The following SLC34A1 variants were observed in gnomAD, a reference collection of about 807,000 sequenced individuals.
The protein encoded by SLC34A1 is sodium-dependent phosphate transport protein 2A.
In SLC34A1, 57 loss-of-function variants were observed where a neutral mutation model predicts 51.4. That is an observed-to-expected ratio of 1.11 (90% CI 0.90 to 1.38). SLC34A1 has a LOEUF of 1.38. SLC34A1 is among the 40% of genes most tolerant of loss of function. The pLI is 0.00. For missense variants in SLC34A1, 796 were observed against 835.6 expected (o/e 0.95, Z 0.58); for synonymous variants, 368 against 358.0 (o/e 1.03, Z -0.32).
Position 177,388,475 on chromosome 5 carries a change from C to A in SLC34A1, c.936+103C>A. The A allele has an allele frequency of 1.0e-6, 1 of 980,154 alleles. No individual in the cohort carries two copies. Among genetic ancestry groups the A allele is most frequent in the Non-Finnish European group, 1.6e-6 (1 of 625,770 alleles). The allele number at this position is 980,154 out of a possible 1,614,324, so 60.7% of individuals were successfully genotyped here. ...AGATAGACCTTGAAGATCATTTAGCCAGGAGAGGGCAAATATGTGGCCCTT... is the reference window on the plus strand; with the variant it reads ...AGATAGACCTTGAAGATCATTTAGCAAGGAGAGGGCAAATATGTGGCCCTT... On this transcript the variant is annotated intron_variant, in intron 8 of 12. Transcript: ENST00000324417. The surrounding 1 kb of genome is among the most constrained non-coding windows in gnomAD (Gnocchi z 4.3).
intron 9 of SLC34A1, 84 bp downstream of exon 9, chr5:177,393,847 G>A (rs1381427215): frequency 6.6e-7 from 1 of 1,517,076 alleles, no homozygotes; most frequent in Admixed American, 1.7e-5. Flanking sequence ...AGCCACTATT[G>A]TGTCCAGCCC....
intron 6 of SLC34A1, 52 bp from the exon 7 acceptor site, chr5:177,387,942 C>A (rs1036598814): frequency 1.1e-5 from 18 of 1,609,944 alleles, no homozygotes; most frequent in Non-Finnish European, 1.5e-5. Context: ...GAACCCCAGG[C>A]GTGACTGTGC....
At chr5:177,384,822 A>G (rs185357135) in intron 1 of SLC34A1, among the ~76,000 whole-genome samples, 1 of 151,008 alleles carries the variant, frequency 6.6e-6, no homozygotes, top group East Asian at 1.9e-4. Context: ...AGATTGTGCC[A>G]CTGCACTCCA....
chr5:177,392,679 AG>A (rs1274952214), intron 8 of SLC34A1, among the ~76,000 whole-genome samples: 1 of 152,128 alleles, frequency 6.6e-6, no homozygotes, highest in African/African-American at 2.4e-5. Flanking sequence ...GCTGGAGTGC[AG>A]GGGCATGATC....
At chr5:177,390,252 A>AGCG (rs1762756001) in intron 8 of SLC34A1, 2 of 991,130 alleles carry the variant, frequency 2.0e-6, no homozygotes, top group Non-Finnish European at 2.4e-6. Flanking sequence ...AAGCAGCAGC[A>AGCG]GCGGCAGTTG....
intron 10 of SLC34A1, among the ~76,000 whole-genome samples, chr5:177,394,637 A>G (rs1762902662): frequency 6.6e-6 from 1 of 151,300 alleles, no homozygotes; most frequent in Non-Finnish European, 1.5e-5. Flanking sequence ...CAGCAGGATC[A>G]CTTGAGCCCA....
chr5:177,388,007 G>T lies in SLC34A1; in HGVS notation c.658G>T (p.Ala220Ser). 1 of 1,613,036 alleles carries T rather than the reference G, an allele frequency of 6.2e-7. No homozygotes were observed. Among genetic ancestry groups the T allele is most frequent in the Non-Finnish European group, 8.5e-7 (1 of 1,179,318 alleles). The change falls in exon 7 of 13, where the codon GCC becomes TCC. Residue 220 changes from alanine (A) to serine (S), a missense_variant. Transcript: ENST00000324417. This position sits in a 1 kb window ranked among gnomAD's most constrained non-coding sequence, Gnocchi z 4.3. Reference sequence around the variant, plus strand: ...CTCCCTGCCCAGGGCCTTCGCGGGGGCCACGGTGCATGACTGCTTTAACTG... The same window carrying T: ...CTCCCTGCCCAGGGCCTTCGCGGGGTCCACGGTGCATGACTGCTTTAACTG... The part of the protein sequence containing the change: ...RTDFRRAFAG[A>S]TVHDCFNWLS...
chr5:177,384,748 G>T (rs1173848693), intron 1 of SLC34A1, among the ~76,000 whole-genome samples: 1 of 151,930 alleles, frequency 6.6e-6, no homozygotes, highest in Non-Finnish European at 1.5e-5. Flanking sequence ...TGTAATCCCA[G>T]CTACTTGGGA....
intron 1 of SLC34A1, among the ~76,000 whole-genome samples, chr5:177,385,022 G>T (rs557271165): frequency 6.6e-6 from 1 of 151,938 alleles, no homozygotes; most frequent in Non-Finnish European, 1.5e-5. Context: ...GCGGGGACAA[G>T]GGGGGGCTGA....
rs750605435 is a variant in SLC34A1, at chr5:177,397,897, T to C, written c.1531T>C (p.Tyr511His). 1 of 1,613,974 alleles carries C rather than the reference T, an allele frequency of 6.2e-7. No homozygotes were observed. The highest frequency in any genetic ancestry group is 8.5e-7 in the Non-Finnish European group (1 of 1,180,010). ...GGCGCTGGGGAAACGCACGGCCAAG[T>C]ACCGCTGGTTTGCCGTCCTCTATCT... Reference protein sequence around the residue: ...AKALGKRTAKYRWFAVLYLLV... With the variant: ...AKALGKRTAKHRWFAVLYLLV... The change falls in exon 13 of 13, where the codon TAC becomes CAC. Residue 511 changes from tyrosine (Y) to histidine (H), a missense_variant. By Grantham distance (83) the Tyr-to-His change is moderately conservative (BLOSUM62 2). Transcript: ENST00000324417.
In SLC34A1 at chr5:177,387,875, T is replaced by C. The variant is rs1272063335; in HGVS notation, c.644+2T>C. The C allele has an allele frequency of 2.7e-6, 3 of 1,102,304 alleles. No homozygotes were observed. In the South Asian group the frequency reaches 7.6e-5, roughly 28 times the overall value. 68.3% of individuals were successfully genotyped at this position (1,102,304 alleles called of 1,614,324 possible). A position where few individuals can be genotyped will look rare whatever the true frequency, so the allele number is the denominator to read the frequency against. On this transcript the variant is annotated splice_donor_variant, in intron 6 of 12. Transcript: ENST00000324417. LOFTEE classifies it high-confidence loss of function. The stretch of plus-strand genomic sequence containing the variant: ...GGGGGACAGGACTGACTTCCGGCGG[T>C]GAGGGGGGCTGGGGGTTGGGGGCTC...
rs1763043609 is a variant in SLC34A1 at position 177,398,453 on chromosome 5, G to A, written c.*167G>A. On this transcript the variant is annotated 3_prime_UTR_variant, in exon 13 of 13. Transcript: ENST00000324417. This position sits in a 1 kb window ranked among gnomAD's most constrained non-coding sequence, Gnocchi z 4.7. ...CTTGTGTGAGAGTGTCGGTGTGTGT[G>A]CATGTGTGGGGGTGAGTCTGCATGT... 2.5e-6 allele frequency: 2 copies of A among 804,296 alleles called. No individual in the cohort carries two copies. Among genetic ancestry groups the A allele is most frequent in the African/African-American group, 1.7e-5 (1 of 59,916 alleles). The allele number at this position is 804,296 out of a possible 1,614,324, so 49.8% of individuals were successfully genotyped here.
chr5:177,397,297 T>C lies in SLC34A1; in HGVS notation c.1416+223T>C, dbSNP rs1581649637. The C allele has an allele frequency of 5.2e-6, 3 of 580,290 alleles. No individual in the cohort carries two copies. The East Asian group carries it at 9.1e-5, about 18-fold the overall frequency. 35.9% of individuals were successfully genotyped at this position (580,290 alleles called of 1,614,324 possible). On this transcript the variant is annotated intron_variant, in intron 12 of 12. Transcript: ENST00000324417. ...TCATAATTACACCAATAAATAGCAG[T>C]GAGTCGGATTTGCACCATAAGGAAG...
Position 177,388,423 on chromosome 5 carries a change from G to T in SLC34A1, c.936+51G>T. On this transcript the variant is annotated intron_variant, in intron 8 of 12. Coordinates refer to ENST00000324417, the MANE Select transcript of SLC34A1 (RefSeq NM_003052.5). This position sits in a 1 kb window ranked among gnomAD's most constrained non-coding sequence, Gnocchi z 4.3. ...AAGAGGACTCCCTCTTCAGACTCTT[G>T]GTTTCATTGTCTGTTCAAAATGCTC... The T allele has an allele frequency of 6.9e-7, 1 of 1,451,980 alleles. No homozygotes were observed. 89.9% of individuals were successfully genotyped at this position (1,451,980 alleles called of 1,614,324 possible).
rs1224874485 is a variant in SLC34A1 at position 177,386,266 on chromosome 5, T to C, written c.305T>C (p.Leu102Pro). 1.2e-6 allele frequency: 2 copies of C among 1,614,076 alleles called. No homozygotes were observed. Among genetic ancestry groups the C allele is most frequent in the Non-Finnish European group, 1.7e-6 (2 of 1,180,030 alleles). Residue 102 changes from leucine (L) to proline (P), a missense_variant, in exon 4 of 13, where the codon CTC becomes CCC. Leu to Pro is a moderately conservative substitution (Grantham distance 98). Coordinates refer to ENST00000324417, the MANE Select transcript of SLC34A1 (RefSeq NM_003052.5). The surrounding 1 kb of genome is among the most constrained non-coding windows in gnomAD (Gnocchi z 4.8). ...PKLRQAGAML[L>P]KVPLMLTFLY... ...CTGCGCCAGGCTGGCGCCATGCTGC[T>C]CAAGGTGCCACTGATGCTCACCTTC... is the stretch of plus-strand genomic sequence containing the variant.
At chr5:177,387,382 G>A (rs1340648255) in intron 5 of SLC34A1, among the ~76,000 whole-genome samples, 5 of 152,056 alleles carry the variant, frequency 3.3e-5, no homozygotes, top group Admixed American at 3.3e-4. Context: ...GCGACAGAGC[G>A]AGACTCTGTC....
In SLC34A1 at chr5:177,386,594, A is replaced by G; in HGVS notation, c.532+28A>G. 1 of 1,612,916 alleles carries G rather than the reference A, an allele frequency of 6.2e-7. No homozygotes were observed. The highest frequency in any genetic ancestry group is 8.5e-7 in the Non-Finnish European group (1 of 1,179,852). On this transcript the variant is annotated intron_variant, in intron 5 of 12. Coordinates refer to ENST00000324417, the MANE Select transcript of SLC34A1 (RefSeq NM_003052.5). The surrounding 1 kb of genome is among the most constrained non-coding windows in gnomAD (Gnocchi z 4.8). The stretch of plus-strand genomic sequence containing the variant: ...GAGTTGGCCCACCAGGGTGGGGAAG[A>G]GCTTGGAGGGGCACCCCAGGAGCTG...
chr5:177,397,221 G>A, intron 12 of SLC34A1, 147 bp downstream of exon 12: 1 of 1,020,540 alleles, frequency 9.8e-7, no homozygotes, highest in South Asian at 1.5e-5. Flanking sequence ...TATGGGCAAA[G>A]TAGACCCAAT....
chr5:177,395,009 CA>C (rs1162721156), intron 10 of SLC34A1, among the ~76,000 whole-genome samples: 1 of 151,754 alleles, frequency 6.6e-6, no homozygotes, highest in African/African-American at 2.4e-5. Context: ...TTTGTCTTTA[CA>C]AAAAATTTTA....
Sources: allele counts gnomAD v4.1 joint callset (sites outside exome capture counted in the v4.1 genomes callset), GRCh38; gene constraint gnomAD v4.1.1; non-coding constraint Gnocchi (gnomAD v3.1); transcripts MANE v1.5; gene names NCBI Gene and HGNC (gene_info 2026-07-23, HGNC 2026-07-21).